UBASH3B: variants seen among roughly 807,000 people sequenced by gnomAD.
UBASH3B encodes ubiquitin associated and SH3 domain containing B.
UBASH3B carries 37 observed loss-of-function variants against 83.4 expected under a neutral mutation model. The observed-to-expected ratio is 0.44, with a 90% CI of 0.34 to 0.58. The LOEUF is 0.58. UBASH3B is among the 20% of genes least tolerant of loss of function. The probability of loss-of-function intolerance (pLI) is 0.01; values close to 1 mark genes in which losing one functional copy is unlikely to be tolerated. For synonymous variants in UBASH3B, 304 were observed against 318.3 expected, an observed-to-expected ratio of 0.96 and a Z score of 0.48; for missense variants, 657 against 827.2, an observed-to-expected ratio of 0.79 and a Z score of 2.52.
At chr11:122,782,045 A>G (rs1860864789) in intron 4 of UBASH3B, among the ~76,000 whole-genome samples, 1 of 152,144 alleles carries the variant, frequency 6.6e-6, no homozygotes, top group Non-Finnish European at 1.5e-5. Context: ...CTTCTTCATT[A>G]TTCTAGTTTG....
intron 1 of UBASH3B, among the ~76,000 whole-genome samples, chr11:122,754,581 G>A (rs1046910403): frequency 6.6e-6 from 1 of 152,170 alleles, no homozygotes; most frequent in Non-Finnish European, 1.5e-5. Flanking sequence ...TGGGTGTTGT[G>A]AGTGTGATTC....
At chr11:122,796,836 G>A (rs1332027190) in intron 8 of UBASH3B, 75 bp from the exon 9 acceptor site, 4 of 1,603,058 alleles carry the variant, frequency 2.5e-6, no homozygotes, top group Middle Eastern at 1.7e-4. Flanking sequence ...GGGGTGGAGA[G>A]TGTCAGGATC....
At chr11:122,792,868 G>A (rs769754404) in intron 6 of UBASH3B, among the ~76,000 whole-genome samples, 5 of 152,116 alleles carry the variant, frequency 3.3e-5, no homozygotes, top group East Asian at 1.9e-4. Context: ...ACCCCAGCAC[G>A]AGTGTATTTT....
intron 1 of UBASH3B, among the ~76,000 whole-genome samples, chr11:122,678,173 G>T (rs1477754419): frequency 1.3e-5 from 2 of 152,170 alleles, no homozygotes; most frequent in East Asian, 3.9e-4. Context: ...TCATATTAAA[G>T]GTTAGGGCTT....
intron 1 of UBASH3B, 36 bp downstream of exon 1, chr11:122,656,246 C>A: frequency 7.3e-7 from 1 of 1,368,208 alleles, no homozygotes; most frequent in Non-Finnish European, 9.5e-7. Flanking sequence ...GGCGACCCCT[C>A]CCGCGCGCGC....
intron 1 of UBASH3B, among the ~76,000 whole-genome samples, chr11:122,748,937 A>G (rs1472416742): frequency 2.6e-5 from 4 of 152,230 alleles, no homozygotes; most frequent in Non-Finnish European, 5.9e-5. Flanking sequence ...TTTTTAAAGA[A>G]CACATCACCT....
intron 1 of UBASH3B, among the ~76,000 whole-genome samples, chr11:122,757,636 G>A (rs1199297362): frequency 1.3e-5 from 2 of 151,748 alleles, no homozygotes; most frequent in Non-Finnish European, 2.9e-5. Flanking sequence ...AAGGCATTGA[G>A]GGAGGAGGGC....
At chr11:122,705,711 A>G (rs557960327) in intron 1 of UBASH3B, among the ~76,000 whole-genome samples, 1 of 152,154 alleles carries the variant, frequency 6.6e-6, no homozygotes, top group Non-Finnish European at 1.5e-5. Context: ...TCACCAACTC[A>G]TGGGGGCATC....
chr11:122,755,912 G>T (rs145796481), intron 1 of UBASH3B, among the ~76,000 whole-genome samples: 1 of 152,282 alleles, frequency 6.6e-6, no homozygotes, highest in Non-Finnish European at 1.5e-5. Context: ...CTGGGGCTTA[G>T]AGCTAATTAC....
At chr11:122,725,547 G>T (rs1860723511) in intron 1 of UBASH3B, among the ~76,000 whole-genome samples, 1 of 64,866 alleles carries the variant, frequency 1.5e-5, no homozygotes, top group Non-Finnish European at 3.0e-5. Flanking sequence ...CCATCGTTCT[G>T]TAGGTGCAGT....
intron 11 of UBASH3B, among the ~76,000 whole-genome samples, 186 bp downstream of exon 11, chr11:122,801,518 G>T (rs1861259298): frequency 6.6e-6 from 1 of 152,142 alleles, no homozygotes; most frequent in East Asian, 1.9e-4. Context: ...TTCATATTTG[G>T]CATTAGTGTG....
Position 122,779,674 on chromosome 11 carries a change from G to A in UBASH3B, c.580G>A (p.Ala194Thr), listed in dbSNP as rs959741735. 4.3e-6 allele frequency: 7 copies of A among 1,614,086 alleles called. No individual in the cohort carries two copies. The highest frequency in any genetic ancestry group is 5.9e-6 in the Non-Finnish European group (7 of 1,180,038). ...CAAGAAGTTTGCTGCTGACTTTGCT[G>A]CAGAGGCTGCATCCAAAACCGGTGA... ...VLKKFAADFA[A>T]EAASKTEVHV... is the part of the protein sequence containing the mutation. Residue 194 changes from alanine to threonine, a missense_variant, in exon 4 of 14, where the codon GCA becomes ACA. Physicochemically the swap from Ala to Thr is moderately conservative, Grantham distance 58. This residue lies in a region of UBASH3B where 573 missense variants were observed against 739.0 expected (regional missense o/e 0.78). Coordinates refer to ENST00000284273, the MANE Select transcript of UBASH3B (RefSeq NM_032873.5).
At chr11:122,760,496 G>A (rs1861352338) in intron 1 of UBASH3B, among the ~76,000 whole-genome samples, 1 of 152,078 alleles carries the variant, frequency 6.6e-6, no homozygotes, top group African/African-American at 2.4e-5. Flanking sequence ...AAGTAGCTGG[G>A]ATTACAGGCA....
Position 122,756,988 on chromosome 11 carries a change from T to C in UBASH3B, c.162-19231T>C, listed in dbSNP as rs147780365. Among the ~76,000 whole-genome samples the C allele has an allele frequency of 4.4e-3, 675 of 152,288 alleles. 8 individuals are homozygous for C. Among genetic ancestry groups the C allele is most frequent in the African/African-American group, 0.015 (634 of 41,564 alleles). On this transcript the variant is annotated intron_variant, in intron 1 of 13. Transcript: ENST00000284273. ...GTTCCTCATCTGTAACGTGAGAGGA[T>C]TGAAGTAAGTGATCTTAGTCTCCAA... is the stretch of plus-strand genomic sequence containing the variant.
chr11:122,747,724 A>G lies in UBASH3B; in HGVS notation c.162-28495A>G, dbSNP rs75695082. 5.4e-3 allele frequency among the ~76,000 whole-genome samples: 816 copies of G among 152,302 alleles called. 10 individuals carry two copies. Among genetic ancestry groups the G allele is most frequent in the African/African-American group, 0.019 (778 of 41,566 alleles). ...TTCTTTATAGAGACGCAATGAAAAT[A>G]TTAGAGCTGTTCTATCTGGAAAGTA... On this transcript the variant is annotated intron_variant, in intron 1 of 13. Transcript: ENST00000284273.
At chr11:122,784,761 G>A (rs1324141843) in intron 5 of UBASH3B, among the ~76,000 whole-genome samples, 2 of 152,186 alleles carry the variant, frequency 1.3e-5, no homozygotes, top group Non-Finnish European at 2.9e-5. Flanking sequence ...GAGGTTCAGG[G>A]TTAAGCATGC....
chr11:122,675,607 G>C (rs535348518), intron 1 of UBASH3B, among the ~76,000 whole-genome samples: 87 of 152,332 alleles, frequency 5.7e-4, no homozygotes, highest in Non-Finnish European at 1.0e-3. Flanking sequence ...GTTTATGTCT[G>C]CTTTGCCCAT....
chr11:122,734,742 T>G (rs1860904235), intron 1 of UBASH3B, among the ~76,000 whole-genome samples: 2 of 151,818 alleles, frequency 1.3e-5, no homozygotes. Context: ...CCTCATCAGA[T>G]GTGCTTAATC....
chr11:122,674,470 T>G (rs1032060422), intron 1 of UBASH3B, among the ~76,000 whole-genome samples: 3 of 149,036 alleles, frequency 2.0e-5, no homozygotes, highest in African/African-American at 7.4e-5. Flanking sequence ...AAGCTCCGCC[T>G]CCCCGGTTCA....
Sources: gnomAD v4.1 joint callset for allele counts (sites outside exome capture counted in the v4.1 genomes callset) on GRCh38, gnomAD v4.1.1 for gene constraint, gnomAD v4.1.1 regional missense constraint, MANE v1.5 for transcripts, NCBI Gene and HGNC (gene_info 2026-07-23, HGNC 2026-07-21) for gene names.